The following SLCO1A2 variants were observed in gnomAD, a reference collection of about 807,000 sequenced individuals.
SLCO1A2 encodes solute carrier organic anion transporter family member 1A2.
Under a neutral mutation model 69.0 loss-of-function variants are expected in SLCO1A2, and 67 were observed. The ratio of observed to expected loss-of-function variants is 0.97; its 90% confidence interval spans 0.80 to 1.19. The LOEUF (loss-of-function observed/expected upper bound fraction) is 1.19, where lower values mean the gene tolerates loss of function less well. Among genes scored for constraint, SLCO1A2 ranks in the 50% most tolerant of loss-of-function variants. The pLI, the probability that SLCO1A2 is intolerant of heterozygous loss-of-function variation, is 0.00. For missense variants in SLCO1A2, 787 were observed against 793.7 expected (o/e 0.99, Z 0.10); for synonymous variants, 260 against 265.9 (o/e 0.98, Z 0.22).
rs116765353 is a variant in SLCO1A2 at position 21,280,493 on chromosome 12, A to G, written c.1611-5069T>C. 1.1e-3 allele frequency among the ~76,000 whole-genome samples: 174 copies of G among 152,226 alleles called. 1 individual carries two copies. Among genetic ancestry groups the G allele is most frequent in the African/African-American group, 4.1e-3 (169 of 41,572 alleles). On this transcript the variant is annotated intron_variant, in intron 12 of 14. Coordinates refer to ENST00000683939, the MANE Select transcript of SLCO1A2 (RefSeq NM_001386879.1). The stretch of plus-strand genomic sequence containing the variant: ...GTAAGAAGAGACGAAGAAGATCATT[A>G]TATAAGGATAAAAGGATTAATTAAG...
At chr12:21,347,177 C>T (rs1953280463) in intron 2 of SLCO1A2, among the ~76,000 whole-genome samples, 1 of 151,904 alleles carries the variant, frequency 6.6e-6, no homozygotes, top group African/African-American at 2.4e-5. Flanking sequence ...CCTTCCATAC[C>T]CCAAAGGAAA....
At chr12:21,363,178 A>G (rs1165863704) in intron 2 of SLCO1A2, among the ~76,000 whole-genome samples, 3 of 152,206 alleles carry the variant, frequency 2.0e-5, no homozygotes, top group African/African-American at 7.2e-5. Context: ...AAAAGAACAG[A>G]AATTATAACA....
At position 21,362,392 on chromosome 12, in the gene SLCO1A2, T is replaced by G. The variant is rs184608812; in HGVS notation, c.-63+12007A>C. On this transcript the variant is annotated intron_variant, in intron 2 of 15. Transcript: ENST00000307378. ...CCATGCCTGACTTACAAGAGCTCCT[T>G]AAGGAAGCACTAAACATGGAAAGGA... Among the ~76,000 whole-genome samples, 72 of 152,240 alleles carry G rather than the reference T, an allele frequency of 4.7e-4. No individual in the cohort carries two copies. The East Asian group carries it at 0.012, about 25-fold the overall frequency.
At chr12:21,306,387 G>A (rs146618416) in intron 5 of SLCO1A2, among the ~76,000 whole-genome samples, 10 of 151,926 alleles carry the variant, frequency 6.6e-5, no homozygotes, top group East Asian at 1.9e-4. Context: ...GTGCAATGGC[G>A]CAATCTTGGA....
At chr12:21,277,493 T>A (rs561056050) in intron 12 of SLCO1A2, among the ~76,000 whole-genome samples, 2,182 of 128,614 alleles carry the variant, frequency 0.017, 50 homozygotes, top group African/African-American at 0.065. Context: ...GGTGAGAGAC[T>A]CTCTGTTTGA....
intron 2 of SLCO1A2, among the ~76,000 whole-genome samples, chr12:21,334,239 GA>G (rs1394736079): frequency 3.3e-5 from 5 of 152,058 alleles, no homozygotes; most frequent in Non-Finnish European, 7.4e-5. Flanking sequence ...CATTTTCGGA[GA>G]GTGACTCCCA....
At chr12:21,318,397 G>A (rs753595734) in intron 3 of SLCO1A2, among the ~76,000 whole-genome samples, 31 of 152,104 alleles carry the variant, frequency 2.0e-4, no homozygotes, top group Non-Finnish European at 4.0e-4. Context: ...GGGAGTACAG[G>A]CATGAGCCAC....
intron 1 of SLCO1A2, among the ~76,000 whole-genome samples, chr12:21,390,698 CATCTTGGTAG>C (rs753139636): frequency 4.6e-5 from 7 of 152,130 alleles, no homozygotes; most frequent in Non-Finnish European, 1.0e-4. Flanking sequence ...GCCAAGGGGC[CATCTTGGTAG>C]ATCTCTTAGG....
chr12:21,285,857 T>G (rs1250488834), intron 12 of SLCO1A2, among the ~76,000 whole-genome samples: 1 of 152,068 alleles, frequency 6.6e-6, no homozygotes, highest in African/African-American at 2.4e-5. Flanking sequence ...TGGGACGTAT[T>G]TCAAAATAAT....
At position 21,268,729 on chromosome 12, in the gene SLCO1A2, G is replaced by A. The variant is rs1266231688; in HGVS notation, c.*819C>T. 1.3e-5 allele frequency: 2 copies of A among 151,988 alleles called. No individual in the cohort carries two copies. The highest frequency in any genetic ancestry group is 2.9e-5 in the Non-Finnish European group (2 of 67,964). The allele number at this position is 151,988 out of a possible 1,614,324, so 9.4% of individuals were successfully genotyped here. On this transcript the variant is annotated 3_prime_UTR_variant, in exon 15 of 15. Coordinates refer to ENST00000683939, the MANE Select transcript of SLCO1A2 (RefSeq NM_001386879.1). ...TATAAACATCGGTCTAAAGAGTCCT[G>A]AATCTTAGAAAGTGGTTCTTTGACA... is the stretch of plus-strand genomic sequence containing the variant.
chr12:21,300,798 TA>T (rs772445339), intron 7 of SLCO1A2, among the ~76,000 whole-genome samples: 4 of 152,232 alleles, frequency 2.6e-5, no homozygotes, highest in Non-Finnish European at 4.4e-5. Flanking sequence ...AGGTATTAAC[TA>T]AACAGCTACA....
intron 1 of SLCO1A2, among the ~76,000 whole-genome samples, chr12:21,389,309 C>G (rs76660773): frequency 1.3e-5 from 2 of 152,138 alleles, no homozygotes; most frequent in African/African-American, 2.4e-5. Context: ...ACTGCCTACA[C>G]GTTTTTCTTT....
chr12:21,292,412 T>C, intron 11 of SLCO1A2, 76 bp from the exon 12 acceptor site: 4 of 1,207,982 alleles, frequency 3.3e-6, no homozygotes, highest in Non-Finnish European at 4.7e-6. Flanking sequence ...ACACAGCCAG[T>C]TGGATCAAGA....
chr12:21,398,293 G>T (rs1254137624), upstream of SLCO1A2, among the ~76,000 whole-genome samples: 5 of 150,482 alleles, frequency 3.3e-5, no homozygotes, highest in Admixed American at 3.3e-4. Flanking sequence ...ATAAATTCCT[G>T]GACACATACA....
chr12:21,316,650 A>G (rs528126314), intron 3 of SLCO1A2, among the ~76,000 whole-genome samples: 6 of 151,378 alleles, frequency 4.0e-5, no homozygotes, highest in African/African-American at 1.2e-4. Flanking sequence ...CTCTTAACAT[A>G]GACTCCTTTT....
intron 14 of SLCO1A2, 158 bp downstream of exon 14, chr12:21,274,311 A>T: frequency 3.8e-6 from 2 of 527,926 alleles, no homozygotes; most frequent in South Asian, 6.1e-5. Flanking sequence ...CAATTCTAGT[A>T]TGCAAATAAG....
At chr12:21,272,623 A>C (rs1292714726) in intron 14 of SLCO1A2, among the ~76,000 whole-genome samples, 2 of 152,074 alleles carry the variant, frequency 1.3e-5, no homozygotes, top group Non-Finnish European at 2.9e-5. Context: ...TGTCTGGTAG[A>C]TCTTTTCAAA....
chr12:21,406,826 G>C (rs947269228), intron 1 of SLCO1A2, among the ~76,000 whole-genome samples: 3 of 152,108 alleles, frequency 2.0e-5, no homozygotes, highest in African/African-American at 7.2e-5. Flanking sequence ...AATAATTTTG[G>C]AGACAGATGC....
intron 12 of SLCO1A2, among the ~76,000 whole-genome samples, chr12:21,289,610 G>T (rs1244795408): frequency 1.1e-4 from 16 of 152,026 alleles, no homozygotes; most frequent in Admixed American, 1.0e-3. Flanking sequence ...ACTCCACCCT[G>T]GTTTCCATTT....
Sources: gnomAD v4.1 joint callset for allele counts (sites outside exome capture counted in the v4.1 genomes callset) on GRCh38, gnomAD v4.1.1 for gene constraint, MANE v1.5 for transcripts, NCBI Gene and HGNC (gene_info 2026-07-23, HGNC 2026-07-21) for gene names.